DENND1A: variants seen among roughly 807,000 people sequenced by gnomAD.
DENND1A encodes DENN domain-containing protein 1A.
In DENND1A, 51 loss-of-function variants were observed where a neutral mutation model predicts 113.7. The ratio of observed to expected loss-of-function variants is 0.45; its 90% CI spans 0.36 to 0.57. The LOEUF is 0.57. Among genes scored for constraint, DENND1A ranks in the 20% least tolerant of loss-of-function variants. The pLI is 0.00. For synonymous variants in DENND1A, 565 were observed against 570.8 expected (o/e 0.99, Z 0.14); for missense variants, 1,258 against 1,395.9 (o/e 0.90, Z 1.57).
At position 123,606,735 on chromosome 9, in the gene DENND1A, A is replaced by T. The variant is rs114963563; in HGVS notation, c.765+2701T>A. ...TTTTCACAAAGCATTTGCTCAGAGA[A>T]TATCACCTGTGTGGCATCCTGTTAG... On this transcript the variant is annotated intron_variant, in intron 11 of 23. Transcript: ENST00000394215. Among the ~76,000 whole-genome samples the T allele has an allele frequency of 3.1e-3, 475 of 152,374 alleles. 4 individuals are homozygous for T. The highest frequency in any genetic ancestry group is 0.011 in the African/African-American group (458 of 41,590).
At chr9:123,921,794 T>C (rs1250074979) in intron 1 of DENND1A, among the ~76,000 whole-genome samples, 1 of 152,186 alleles carries the variant, frequency 6.6e-6, no homozygotes, top group Non-Finnish European at 1.5e-5. Flanking sequence ...TCACAAATAC[T>C]CCATTTGTAA....
At chr9:123,408,865 T>C (rs2131453975) in intron 20 of DENND1A, among the ~76,000 whole-genome samples, 1 of 152,356 alleles carries the variant, frequency 6.6e-6, no homozygotes, top group East Asian at 1.9e-4. Context: ...CTTGAATTTT[T>C]CCAAGGGGAA....
chr9:123,903,682 A>C (rs183951731), intron 1 of DENND1A, among the ~76,000 whole-genome samples: 50 of 152,334 alleles, frequency 3.3e-4, no homozygotes, highest in Non-Finnish European at 6.3e-4. Context: ...AAAACGGCGC[A>C]CCACGATATT....
chr9:123,903,286 C>G (rs1852037304), intron 1 of DENND1A, among the ~76,000 whole-genome samples: 1 of 143,402 alleles, frequency 7.0e-6, no homozygotes, highest in African/African-American at 2.7e-5. Flanking sequence ...GAGCCGAGAT[C>G]CCGCCACTGC....
rs1336169856 is a variant in DENND1A, at chr9:123,381,665, C to T, written c.2980G>A (p.Ala994Thr). The change falls in exon 24 of 24, where the codon GCT becomes ACT. Residue 994 changes from alanine to threonine, a missense_variant. Coordinates refer to ENST00000394215, the MANE Select transcript of DENND1A (RefSeq NM_001352964.2). This position sits in a 1 kb window ranked among gnomAD's most constrained non-coding sequence, Gnocchi z 4.7. ...TLPLARSSAR[A>T]AETKQGLALR... ...GCCAGCCCCTGCTTGGTCTCAGCAGCCCTGGCACTTGAGCGGGCCAGGGGC... is the reference window on the plus strand; with the variant it reads ...GCCAGCCCCTGCTTGGTCTCAGCAGTCCTGGCACTTGAGCGGGCCAGGGGC... The T allele has an allele frequency of 1.2e-6, 2 of 1,600,328 alleles. No homozygotes were observed. The highest frequency in any genetic ancestry group is 4.5e-5 in the East Asian group (2 of 44,364).
At position 123,513,590 on chromosome 9, in the gene DENND1A, C is replaced by T. The variant is rs552444831; in HGVS notation, c.993+43980G>A. Among the ~76,000 whole-genome samples, 135 of 152,376 alleles carry T rather than the reference C, an allele frequency of 8.9e-4. 2 individuals are homozygous for T. Among genetic ancestry groups the T allele is most frequent in the African/African-American group, 2.7e-3 (114 of 41,590 alleles). The stretch of plus-strand genomic sequence containing the variant: ...AGCCGCTGGGTGTCATACAATCCAT[C>T]TCTTCCTTTCACTGCTGGAAGCACT... On this transcript the variant is annotated intron_variant, in intron 13 of 23. Coordinates refer to ENST00000394215, the MANE Select transcript of DENND1A (RefSeq NM_001352964.2).
At chr9:123,483,247 A>G (rs1285027375) in intron 13 of DENND1A, among the ~76,000 whole-genome samples, 1 of 152,144 alleles carries the variant, frequency 6.6e-6, no homozygotes, top group Non-Finnish European at 1.5e-5. Flanking sequence ...CCTTCCTAAG[A>G]GTCCAGCAGA....
chr9:123,741,189 G>A (rs1001149607), intron 5 of DENND1A, among the ~76,000 whole-genome samples: 3 of 152,014 alleles, frequency 2.0e-5, no homozygotes, highest in Non-Finnish European at 4.4e-5. Flanking sequence ...CCAAACCTCA[G>A]CAACTTTTAA....
chr9:123,704,993 AAAG>A (rs1179389498), intron 5 of DENND1A, among the ~76,000 whole-genome samples: 1 of 152,182 alleles, frequency 6.6e-6, no homozygotes, highest in Non-Finnish European at 1.5e-5. Context: ...ATAATAAGAA[AAAG>A]AAGCATCAAA....
intron 1 of DENND1A, among the ~76,000 whole-genome samples, chr9:123,892,931 G>A (rs867622838): frequency 7.2e-5 from 11 of 152,220 alleles, no homozygotes; most frequent in African/African-American, 1.2e-4. Context: ...GCGGGGAGCC[G>A]AGATCGCGCC....
intron 19 of DENND1A, 122 bp from the exon 20 acceptor site, chr9:123,411,951 C>T (rs955572992): frequency 6.5e-5 from 30 of 462,390 alleles, no homozygotes; most frequent in Admixed American, 3.0e-4. Context: ...AACCTCGACG[C>T]CTCCTGCCTC....
chr9:123,518,088 C>T (rs931486161), intron 13 of DENND1A, among the ~76,000 whole-genome samples: 5 of 152,132 alleles, frequency 3.3e-5, no homozygotes, highest in African/African-American at 9.7e-5. Flanking sequence ...GAGAAACTTT[C>T]CAAGTGACTG....
At chr9:123,672,149 C>T (rs2139996137) in intron 6 of DENND1A, among the ~76,000 whole-genome samples, 1 of 152,266 alleles carries the variant, frequency 6.6e-6, no homozygotes, top group South Asian at 2.1e-4. Flanking sequence ...TCAAATCAGC[C>T]CTTTAGTAAG....
rs192749367 is a variant in DENND1A, at chr9:123,593,614, T to C, written c.766-10344A>G. Among the ~76,000 whole-genome samples the C allele has an allele frequency of 3.9e-5, 6 of 152,360 alleles. No homozygotes were observed. The East Asian group carries it at 9.6e-4, about 24-fold the overall frequency. On this transcript the variant is annotated intron_variant, in intron 11 of 23. Coordinates refer to ENST00000394215, the MANE Select transcript of DENND1A (RefSeq NM_001352964.2). ...CTTGATGTGGCTCCTGACATTATACTATATGTCCCCTGTAAGTATGACTTC... is the reference window on the plus strand; with the variant it reads ...CTTGATGTGGCTCCTGACATTATACCATATGTCCCCTGTAAGTATGACTTC...
chr9:123,664,926 T>C (rs2063421931), intron 8 of DENND1A, among the ~76,000 whole-genome samples: 1 of 152,176 alleles, frequency 6.6e-6, no homozygotes, highest in Non-Finnish European at 1.5e-5. Context: ...CTGCTCTTCC[T>C]GCATTACTTT....
intron 9 of DENND1A, among the ~76,000 whole-genome samples, chr9:123,645,117 T>G (rs965855110): frequency 6.6e-6 from 1 of 152,214 alleles, no homozygotes; most frequent in African/African-American, 2.4e-5. Flanking sequence ...ACTTACATTT[T>G]TCTTATACAG....
rs1320159114 is a variant in DENND1A at position 123,752,392 on chromosome 9, GT to G, written c.302+5310del. On this transcript the variant is annotated intron_variant, in intron 5 of 23. Transcript: ENST00000394215. ...TTTAGACAGCATCTTGAGGAAAAAA[GT>G]TTTTTCTTTCCAAAATGTATAATAA... Among the ~76,000 whole-genome samples, 6 of 152,216 alleles carry G rather than the reference GT, an allele frequency of 3.9e-5. No individual in the cohort carries two copies. The East Asian group carries it at 9.6e-4, about 24-fold the overall frequency.
At chr9:123,504,790 G>C (rs2052774877) in intron 13 of DENND1A, among the ~76,000 whole-genome samples, 1 of 152,216 alleles carries the variant, frequency 6.6e-6, no homozygotes, top group South Asian at 2.1e-4. Flanking sequence ...TACCAAGGCA[G>C]TTCTTCAGGG....
chr9:123,452,130 GC>G, intron 17 of DENND1A, 145 bp downstream of exon 17: 1 of 690,324 alleles, frequency 1.4e-6, no homozygotes, highest in South Asian at 1.8e-5. Context: ...GGAGGTCAAG[GC>G]CTCAGTGAGC....
Sources: allele counts gnomAD v4.1 joint callset (sites outside exome capture counted in the v4.1 genomes callset), GRCh38; gene constraint gnomAD v4.1.1; non-coding constraint Gnocchi (gnomAD v3.1); transcripts MANE v1.5; gene names NCBI Gene and HGNC (gene_info 2026-07-23, HGNC 2026-07-21).